The following MBP variants were observed in gnomAD, a reference collection of about 807,000 sequenced individuals.
The protein encoded by MBP is Golli-MBP.
MBP carries 16 observed loss-of-function variants against 35.8 expected under a neutral mutation model. That is an observed-to-expected ratio of 0.45 (90% CI 0.30 to 0.68). MBP has a LOEUF of 0.68. Among genes scored for constraint, MBP ranks in the 30% least tolerant of loss-of-function variants. The pLI, the probability that MBP is intolerant of heterozygous loss-of-function variation, is 0.08. For missense variants in MBP, 380 were observed against 404.7 expected, an observed-to-expected ratio of 0.94 and a Z score of 0.52; for synonymous variants, 143 against 159.6, an observed-to-expected ratio of 0.90 and a Z score of 0.78.
In MBP at chr18:77,025,705, C is replaced by CTTTTTTTTTTTTT. The variant is rs540022394; in HGVS notation, c.140-8450_140-8438dup. ...GCGGACACTGTCCTCTATTGAAATA[C>CTTTTTTTTTTTTT]TTTTTTTTTTTTTTTTTTTTACCTA... is the stretch of plus-strand genomic sequence containing the variant. On this transcript the variant is annotated intron_variant, in intron 3 of 8. Transcript: ENST00000355994. Among the ~76,000 whole-genome samples the CTTTTTTTTTTTTT allele has an allele frequency of 2.0e-3, 213 of 108,786 alleles. 19 individuals are homozygous for CTTTTTTTTTTTTT. Among genetic ancestry groups the CTTTTTTTTTTTTT allele is most frequent in the East Asian group, 8.8e-3 (26 of 2,958 alleles). The allele number at this position is 108,786 out of a possible 152,430, so 71.4% of individuals were successfully genotyped here.
chr18:77,027,078 TGGGGATTCCCAG>T (rs1233545119), intron 3 of MBP, among the ~76,000 whole-genome samples: 1 of 152,100 alleles, frequency 6.6e-6, no homozygotes, highest in Non-Finnish European at 1.5e-5. Context: ...CCCATCTAAA[TGGGGATTCCCAG>T]ACTTCATAGG....
chr18:77,084,067 T>C (rs907139990), intron 2 of MBP, among the ~76,000 whole-genome samples: 1 of 152,052 alleles, frequency 6.6e-6, no homozygotes, highest in Non-Finnish European at 1.5e-5. Context: ...AAATGAAACA[T>C]TGTAGCATTA....
At chr18:76,983,475 C>T (rs1969337286) in intron 8 of MBP, 1 of 152,200 alleles carries the variant, frequency 6.6e-6, no homozygotes, top group African/African-American at 2.4e-5. Flanking sequence ...TCATCTCCGC[C>T]CTCTTGTGGC....
At chr18:77,074,136 C>T (rs1974556648) in intron 2 of MBP, among the ~76,000 whole-genome samples, 1 of 152,208 alleles carries the variant, frequency 6.6e-6, no homozygotes, top group Non-Finnish European at 1.5e-5. Flanking sequence ...TTCGCAGCCC[C>T]TCAGTCTGGG....
chr18:77,092,130 C>G (rs1568335661), intron 2 of MBP, among the ~76,000 whole-genome samples: 1 of 152,226 alleles, frequency 6.6e-6, no homozygotes. Context: ...TTTCCACTTC[C>G]AGAGTCTAAA....
intron 3 of MBP, among the ~76,000 whole-genome samples, chr18:77,024,158 T>C (rs944858002): frequency 3.3e-5 from 5 of 152,258 alleles, no homozygotes; most frequent in Non-Finnish European, 7.3e-5. Context: ...TTGTCCAACC[T>C]GCAGCCCACA....
chr18:77,084,850 C>T (rs533880977), intron 2 of MBP, among the ~76,000 whole-genome samples: 15 of 152,232 alleles, frequency 9.9e-5, no homozygotes, highest in African/African-American at 3.4e-4. Context: ...ACTGGACATA[C>T]TTCTATTTTA....
intron 2 of MBP, among the ~76,000 whole-genome samples, chr18:77,097,662 G>A (rs756945018): frequency 1.3e-5 from 2 of 152,174 alleles, no homozygotes; most frequent in Admixed American, 6.5e-5. Context: ...AGATCTCAGT[G>A]GGATGTGTTA....
At chr18:77,103,955 A>G (rs1167556591) in intron 2 of MBP, among the ~76,000 whole-genome samples, 1 of 152,368 alleles carries the variant, frequency 6.6e-6, no homozygotes, top group East Asian at 1.9e-4. Flanking sequence ...AAAGAAGATG[A>G]ATTCTTACTA....
intron 3 of MBP, among the ~76,000 whole-genome samples, chr18:77,045,290 G>A (rs199587678): frequency 0.11 from 16,973 of 152,020 alleles, 1,005 homozygotes; most frequent in East Asian, 0.15. Flanking sequence ...ACCTGCTGCC[G>A]GCAGCACCTG....
intron 4 of MBP, chr18:77,015,326 TGTATGCGTGAG>T (rs1971564961): frequency 1.0e-6 from 1 of 985,336 alleles, no homozygotes; most frequent in Admixed American, 6.1e-5. Context: ...CTGGTGATGC[TGTATGCGTGAG>T]GGATGCTTAC....
intron 3 of MBP, among the ~76,000 whole-genome samples, chr18:77,019,890 A>C (rs764630586): frequency 5.3e-5 from 8 of 152,172 alleles, no homozygotes; most frequent in Non-Finnish European, 1.0e-4. Context: ...TTCTGGGTCC[A>C]GGAGGATGGC....
chr18:77,007,309 G>T (rs1221065466), intron 4 of MBP, among the ~76,000 whole-genome samples: 2 of 152,256 alleles, frequency 1.3e-5, no homozygotes, highest in African/African-American at 4.8e-5. Context: ...AGAGAGGGAA[G>T]CTCCTCGCTT....
intron 7 of MBP, chr18:76,985,697 T>G (rs992009294): frequency 5.9e-6 from 6 of 1,021,866 alleles, no homozygotes; most frequent in African/African-American, 1.7e-5. Context: ...CTAGCACCTT[T>G]CTAGCTCATC....
chr18:77,077,394 T>C, intron 2 of MBP, among the ~76,000 whole-genome samples: 1 of 152,034 alleles, frequency 6.6e-6, no homozygotes. Context: ...AATTCTTTTC[T>C]TGATCCTTCT....
chr18:76,982,779 T>C (rs536208243), intron 8 of MBP: 10 of 152,354 alleles, frequency 6.6e-5, no homozygotes, highest in African/African-American at 1.9e-4. Flanking sequence ...CCAAGTCAAC[T>C]AATTCAGCCA....
chr18:77,074,646 T>C lies in MBP; in HGVS notation c.52-8261A>G, dbSNP rs184646605. Among the ~76,000 whole-genome samples the C allele has an allele frequency of 1.2e-3, 184 of 152,220 alleles. 3 individuals are homozygous for C. In the East Asian group the frequency reaches 0.028, roughly 23 times the overall value. On this transcript the variant is annotated intron_variant, in intron 2 of 8. Transcript: ENST00000355994. ...TCAAAGGAAAACAAATGGGGGCCAC[T>C]GTGGGAAGGAAAGGGAAGCCAGGCA... is the stretch of plus-strand genomic sequence containing the variant.
chr18:77,078,601 T>C (rs1323920042), intron 2 of MBP, among the ~76,000 whole-genome samples: 1 of 152,244 alleles, frequency 6.6e-6, no homozygotes, highest in Non-Finnish European at 1.5e-5. Context: ...CCCATGAGGA[T>C]ATGGCTGGAG....
intron 3 of MBP, among the ~76,000 whole-genome samples, chr18:77,063,456 G>C (rs1974067956): frequency 6.6e-6 from 1 of 152,134 alleles, no homozygotes. Context: ...CCTTGGTTTT[G>C]ACTCAACCTG....
Sources: gnomAD v4.1 joint callset for allele counts (sites outside exome capture counted in the v4.1 genomes callset) on GRCh38, gnomAD v4.1.1 for gene constraint, MANE v1.5 for transcripts, NCBI Gene and HGNC (gene_info 2026-07-23, HGNC 2026-07-21) for gene names.